The following ARHGAP32 variants were observed in gnomAD, a reference collection of about 807,000 sequenced individuals.
ARHGAP32 encodes the protein Rho GTPase activating protein 32, also known as rho GTPase-activating protein 32.
Under a neutral mutation model 186.5 loss-of-function variants are expected in ARHGAP32, and 51 were observed. That is an observed-to-expected ratio of 0.27 (90% confidence interval 0.22 to 0.35). The LOEUF (loss-of-function observed/expected upper bound fraction) is 0.35. Ranked by LOEUF, ARHGAP32 falls within the 10% of genes least tolerant of loss-of-function variation. The pLI is 1.00. For missense variants in ARHGAP32, 2,186 were observed against 2,623.5 expected, an observed-to-expected ratio of 0.83 and a Z score of 3.64; for synonymous variants, 950 against 964.3, an observed-to-expected ratio of 0.99 and a Z score of 0.27.
intron 7 of ARHGAP32, among the ~76,000 whole-genome samples, chr11:129,066,039 C>T (rs1378991991): frequency 6.6e-6 from 1 of 152,246 alleles, no homozygotes; most frequent in Middle Eastern, 3.4e-3. Context: ...TTATTTAAAT[C>T]CATTTCATGA....
chr11:129,278,204 G>A (rs754339402), intron 1 of ARHGAP32, among the ~76,000 whole-genome samples: 3 of 152,202 alleles, frequency 2.0e-5, no homozygotes, highest in Non-Finnish European at 4.4e-5. Context: ...AAATAAAAGA[G>A]ATGCTGACAA....
At chr11:129,088,014 A>T (rs1044791941) in intron 6 of ARHGAP32, among the ~76,000 whole-genome samples, 3 of 152,262 alleles carry the variant, frequency 2.0e-5, no homozygotes, top group African/African-American at 7.2e-5. Flanking sequence ...AGCTTCAAAA[A>T]GTTAAGGCAG....
intron 1 of ARHGAP32, among the ~76,000 whole-genome samples, chr11:129,238,300 T>C (rs1005706386): frequency 1.3e-5 from 2 of 152,130 alleles, no homozygotes; most frequent in Non-Finnish European, 2.9e-5. Context: ...TTCCTAACCA[T>C]TAACCCACAT....
At chr11:129,093,517 TG>T in intron 6 of ARHGAP32, 103 bp downstream of exon 6, 1 of 762,504 alleles carries the variant, frequency 1.3e-6, no homozygotes, top group Non-Finnish European at 2.2e-6. Context: ...TATTTTTCTG[TG>T]GATTATATCC....
chr11:128,978,832 G>A lies in ARHGAP32; in HGVS notation c.2060C>T (p.Ser687Phe). ...CTCATTCCGCTGCAGCTTTCGTTTAGAAACAGATGATGATTTCCCCAAGTT... is the reference window on the plus strand; with the variant it reads ...CTCATTCCGCTGCAGCTTTCGTTTAAAAACAGATGATGATTTCCCCAAGTT... The part of the protein sequence containing the change: ...FFNLGKSSSV[S>F]KRKLQRNESE... The change falls in exon 19 of 23, where the codon TCT becomes TTT. Residue 687 changes from serine to phenylalanine, a missense_variant. By Grantham distance (155) the Ser-to-Phe change is radical. Coordinates refer to ENST00000682385, the MANE Select transcript of ARHGAP32 (RefSeq NM_001378024.1). The A allele has an allele frequency of 1.2e-6, 2 of 1,612,930 alleles. No homozygotes were observed. Among genetic ancestry groups the A allele is most frequent in the East Asian group, 2.2e-5 (1 of 44,734 alleles).
At chr11:129,203,714 T>G (rs1591695019) in intron 1 of ARHGAP32, among the ~76,000 whole-genome samples, 1 of 119,384 alleles carries the variant, frequency 8.4e-6, no homozygotes, top group Admixed American at 9.8e-5. Flanking sequence ...AAGTCTTGTC[T>G]CTACAAAAAA....
chr11:129,088,369 C>T lies in ARHGAP32; in HGVS notation c.531+5252G>A, dbSNP rs573980857. ...GGCCAAGGTGGGTGGATCACGAGGT[C>T]AGGAGTTCAAGACCATCTTGGCCAA... On this transcript the variant is annotated intron_variant, in intron 6 of 22. Transcript: ENST00000682385. 2.0e-5 allele frequency among the ~76,000 whole-genome samples: 3 copies of T among 152,262 alleles called. No homozygotes were observed. The East Asian group carries it at 5.8e-4, about 29-fold the overall frequency.
chr11:129,108,599 CCTCT>C (rs1303814913), intron 5 of ARHGAP32, among the ~76,000 whole-genome samples: 2 of 152,090 alleles, frequency 1.3e-5, no homozygotes, highest in African/African-American at 4.8e-5. Context: ...TTGTTGATCA[CCTCT>C]CTATCTTCTT....
At chr11:129,104,648 GAAAA>G (rs149475457) in intron 5 of ARHGAP32, among the ~76,000 whole-genome samples, 1 of 140,506 alleles carries the variant, frequency 7.1e-6, no homozygotes, top group Non-Finnish European at 1.6e-5. Flanking sequence ...GAACATTTCA[GAAAA>G]AAAAAAGCAA....
Position 128,981,837 on chromosome 11 carries a change from G to A in ARHGAP32, c.1626C>T (p.Asn542=), listed in dbSNP as rs776420608. The A allele has an allele frequency of 2.2e-5, 35 of 1,608,346 alleles. No individual in the cohort carries two copies. Among genetic ancestry groups the A allele is most frequent in the Non-Finnish European group, 2.8e-5 (33 of 1,175,722 alleles). The change falls in exon 16 of 23, where the codon AAC becomes AAT. Residue 542 remains asparagine, a synonymous_variant. Coordinates refer to ENST00000682385, the MANE Select transcript of ARHGAP32 (RefSeq NM_001378024.1). The part of the protein sequence containing the change: ...AKNLAIVWAP[N]LLRSKQIESA... ...AGTGAAATGCAAATTACCTTAACAG[G>A]TTTGGAGCCCAAACAATTGCTAGAT...
chr11:129,235,949 A>G (rs1944926250), intron 1 of ARHGAP32, among the ~76,000 whole-genome samples: 1 of 145,968 alleles, frequency 6.9e-6, no homozygotes, highest in South Asian at 2.2e-4. Context: ...ACTCACACAC[A>G]TTTTCTTTAT....
At chr11:129,093,839 G>A (rs1324275925) in intron 5 of ARHGAP32, 132 bp from the exon 6 acceptor site, 2 of 651,798 alleles carry the variant, frequency 3.1e-6, no homozygotes, top group African/African-American at 1.8e-5. Flanking sequence ...TATCTTATAT[G>A]AGAACTTCAT....
At chr11:129,164,288 A>G (rs1943589566) in intron 2 of ARHGAP32, 31 bp downstream of exon 2, 2 of 1,241,912 alleles carry the variant, frequency 1.6e-6, no homozygotes, top group Non-Finnish European at 2.3e-6. Context: ...ATATATATGT[A>G]TATATGAACA....
chr11:129,127,885 C>T (rs944870219), intron 2 of ARHGAP32, among the ~76,000 whole-genome samples: 9 of 152,102 alleles, frequency 5.9e-5, no homozygotes, highest in Non-Finnish European at 1.3e-4. Flanking sequence ...ATTCAAAAGA[C>T]CTCAAAAGGC....
At chr11:128,979,072 C>T (rs1396821032) in intron 18 of ARHGAP32, among the ~76,000 whole-genome samples, 157 bp from the exon 19 acceptor site, 2 of 152,264 alleles carry the variant, frequency 1.3e-5, no homozygotes, top group East Asian at 3.8e-4. Context: ...ACACTCTACA[C>T]AGTGCAGCCA....
At chr11:129,264,266 A>G (rs1435884112) in intron 1 of ARHGAP32, among the ~76,000 whole-genome samples, 1 of 152,230 alleles carries the variant, frequency 6.6e-6, no homozygotes, top group Non-Finnish European at 1.5e-5. Flanking sequence ...GTTGTTTCAC[A>G]GTCATAGAGT....
At position 129,064,951 on chromosome 11, in the gene ARHGAP32, A is replaced by T. The variant is rs1419072636; in HGVS notation, c.670-18T>A. 11 of 1,561,514 alleles carry T rather than the reference A, an allele frequency of 7.0e-6. No homozygotes were observed. The highest frequency in any genetic ancestry group is 8.7e-6 in the Non-Finnish European group (10 of 1,149,932). On this transcript the variant is annotated intron_variant, in intron 7 of 22. Transcript: ENST00000682385. The stretch of plus-strand genomic sequence containing the variant: ...GTGACCGACTGAAAAGAAAAAGATC[A>T]GTGTAACTCTGAGTAAAGATACTAT...
At chr11:129,271,941 C>A (rs1363996349) in intron 1 of ARHGAP32, among the ~76,000 whole-genome samples, 1 of 152,014 alleles carries the variant, frequency 6.6e-6, no homozygotes, top group Non-Finnish European at 1.5e-5. Flanking sequence ...TTCTGGCCTG[C>A]ACAAGTGGTG....
At chr11:129,119,591 G>A (rs1942468729) in intron 5 of ARHGAP32, among the ~76,000 whole-genome samples, 1 of 151,996 alleles carries the variant, frequency 6.6e-6, no homozygotes, top group Admixed American at 6.6e-5. Context: ...TCTAGATGTT[G>A]AGGGGAAGAA....
Sources: allele counts gnomAD v4.1 joint callset (sites outside exome capture counted in the v4.1 genomes callset), GRCh38; gene constraint gnomAD v4.1.1; transcripts MANE v1.5; gene names NCBI Gene and HGNC (gene_info 2026-07-23, HGNC 2026-07-21).